HEMK1: variants seen among roughly 807,000 people sequenced by gnomAD.
HEMK1 encodes MTRF1L release factor glutamine methyltransferase.
HEMK1 carries 36 observed loss-of-function variants against 47.9 expected under a neutral mutation model. The ratio of observed to expected loss-of-function variants is 0.75; its 90% confidence interval spans 0.58 to 0.99. The LOEUF (loss-of-function observed/expected upper bound fraction) is 0.99. Among genes scored for constraint, HEMK1 ranks in the 50% least tolerant of loss-of-function variants. HEMK1 has a pLI of 0.00. For synonymous variants in HEMK1, 153 were observed against 165.4 expected (o/e 0.93, Z 0.57); for missense variants, 383 against 434.5 (o/e 0.88, Z 1.05).
intron 2 of HEMK1, 171 bp downstream of exon 2, chr3:50,571,503 A>G (rs1158343913): frequency 1.5e-6 from 1 of 673,052 alleles, no homozygotes; most frequent in Non-Finnish European, 2.6e-6. Context: ...ATGAATGAAT[A>G]TATCTCTGCC....
At chr3:50,574,089 G>T (rs1427461012) in intron 4 of HEMK1, among the ~76,000 whole-genome samples, 1 of 152,216 alleles carries the variant, frequency 6.6e-6, no homozygotes, top group African/African-American at 2.4e-5. Flanking sequence ...TCTTGATGGG[G>T]TATGGAGTCC....
chr3:50,586,144 T>A lies in HEMK1; in HGVS notation c.*5727T>A, dbSNP rs3749265. The A allele has an allele frequency of 0.055, 8,432 of 152,280 alleles. 843 individuals are homozygous for A. The highest frequency in any genetic ancestry group is 0.33 in the East Asian group (1,719 of 5,168). The allele number at this position is 152,280 out of a possible 1,614,324, so 9.4% of individuals were successfully genotyped here. ...GTGGGTGCCTTCCCCTCTGAGGTAA[T>A]TGGCTGTACAGCCCCCAGCCTCTGC... On this transcript the variant is annotated 3_prime_UTR_variant, in exon 11 of 11. Transcript: ENST00000232854.
At chr3:50,574,471 T>C (rs1380364107) in intron 4 of HEMK1, among the ~76,000 whole-genome samples, 2 of 152,212 alleles carry the variant, frequency 1.3e-5, no homozygotes, top group Non-Finnish European at 2.9e-5. Context: ...GCCATCCACA[T>C]ACGTGGTGTG....
At chr3:50,578,045 G>C (rs1224808527) in intron 7 of HEMK1, among the ~76,000 whole-genome samples, 170 bp downstream of exon 7, 1 of 152,124 alleles carries the variant, frequency 6.6e-6, no homozygotes, top group African/African-American at 2.4e-5. Context: ...CTCAAACGAA[G>C]CCTTGGCTGA....
rs1348461785 is a variant in HEMK1, at chr3:50,582,534, A to G, written c.*2117A>G. The G allele has an allele frequency of 6.6e-6, 1 of 152,224 alleles. No homozygotes were observed. The highest frequency in any genetic ancestry group is 2.4e-5 in the African/African-American group (1 of 41,458). The allele number at this position is 152,224 out of a possible 1,614,324, so 9.4% of individuals were successfully genotyped here. A position where few individuals can be genotyped will look rare whatever the true frequency, so the allele number is the denominator to read the frequency against. On this transcript the variant is annotated 3_prime_UTR_variant, in exon 11 of 11. Transcript: ENST00000232854. ...CTCAGCCTTGGCTTCTAAGGCTGAG[A>G]AATGGGACTTAATGCTTTATTTTAT...
rs1266196863 is a variant in HEMK1 at position 50,589,530 on chromosome 3, T to G, written c.*9113T>G. On this transcript the variant is annotated 3_prime_UTR_variant, in exon 11 of 11. Coordinates refer to ENST00000232854, the MANE Select transcript of HEMK1 (RefSeq NM_016173.5). ...AGGAGGATTACTTGAGCACAAGAGT[T>G]TAAGACAGCAGTGAGCTATAATAGC... 3.3e-5 allele frequency: 5 copies of G among 151,702 alleles called. No homozygotes were observed. The highest frequency in any genetic ancestry group is 1.2e-4 in the African/African-American group (5 of 41,226). The allele number at this position is 151,702 out of a possible 1,614,324, so 9.4% of individuals were successfully genotyped here. A position where few individuals can be genotyped will look rare whatever the true frequency, so the allele number is the denominator to read the frequency against.
Position 50,590,918 on chromosome 3 carries a change from T to A in HEMK1, c.*10501T>A, listed in dbSNP as rs1166707521. 1 of 152,150 alleles carries A rather than the reference T, an allele frequency of 6.6e-6. No homozygotes were observed. Among genetic ancestry groups the A allele is most frequent in the Non-Finnish European group, 1.5e-5 (1 of 68,032 alleles). 9.4% of individuals were successfully genotyped at this position (152,150 alleles called of 1,614,324 possible). A position where few individuals can be genotyped will look rare whatever the true frequency, so the allele number is the denominator to read the frequency against. ...AGAGTTTCACTGTTTCTGGGTACCT[T>A]CATTTCTGGGAACTAACTGTGCTTT... On this transcript the variant is annotated 3_prime_UTR_variant, in exon 11 of 11. Coordinates refer to ENST00000232854, the MANE Select transcript of HEMK1 (RefSeq NM_016173.5).
chr3:50,577,182 C>T lies in HEMK1; in HGVS notation c.545C>T (p.Pro182Leu). 6.2e-7 allele frequency: 1 copy of T among 1,608,518 alleles called. No individual in the cohort carries two copies. Among genetic ancestry groups the T allele is most frequent in the East Asian group, 2.2e-5 (1 of 44,826 alleles). ...AISLSLLSQLPQSRVIAVDKR... is the reference protein window; with the variant it reads ...AISLSLLSQLLQSRVIAVDKR... ...TCCCTCAGCCTGCTGAGCCAGCTCC[C>T]CCAGGTGAGCCCCTCCACCCACTCT... is the stretch of plus-strand genomic sequence containing the variant. Residue 182 changes from proline (P) to leucine (L), a missense_variant, in exon 5 of 11, where the codon CCC becomes CTC. Pro to Leu is a moderately conservative substitution (Grantham distance 98). Coordinates refer to ENST00000232854, the MANE Select transcript of HEMK1 (RefSeq NM_016173.5).
Position 50,584,656 on chromosome 3 carries a change from A to G in HEMK1, c.*4239A>G, listed in dbSNP as rs1197368428. 1 of 152,246 alleles carries G rather than the reference A, an allele frequency of 6.6e-6. No individual in the cohort carries two copies. Among genetic ancestry groups the G allele is most frequent in the Non-Finnish European group, 1.5e-5 (1 of 68,048 alleles). The allele number at this position is 152,246 out of a possible 1,614,324, so 9.4% of individuals were successfully genotyped here. ...TCCTCTGGGGCCTCAAGAAGAATGCAGTCCTGCCAATACCTTGATTTTAAG... is the reference window on the plus strand; with the variant it reads ...TCCTCTGGGGCCTCAAGAAGAATGCGGTCCTGCCAATACCTTGATTTTAAG... On this transcript the variant is annotated 3_prime_UTR_variant, in exon 11 of 11. Coordinates refer to ENST00000232854, the MANE Select transcript of HEMK1 (RefSeq NM_016173.5).
At chr3:50,573,781 G>A (rs528392035) in intron 4 of HEMK1, among the ~76,000 whole-genome samples, 1 of 152,364 alleles carries the variant, frequency 6.6e-6, no homozygotes, top group East Asian at 1.9e-4. Context: ...TGAAAGGGGA[G>A]TCTGAAGTGC....
At chr3:50,578,248 G>T (rs1222427675) in intron 7 of HEMK1, among the ~76,000 whole-genome samples, 1 of 152,210 alleles carries the variant, frequency 6.6e-6, no homozygotes, top group Non-Finnish European at 1.5e-5. Context: ...AGGGGAAGTG[G>T]TCCAGGCACT....
intron 5 of HEMK1, 86 bp from the exon 6 acceptor site, chr3:50,577,423 G>T: frequency 7.6e-7 from 1 of 1,317,096 alleles, no homozygotes; most frequent in Non-Finnish European, 1.1e-6. Flanking sequence ...TCTGGTGGGG[G>T]GTTGGAGGAG....
intron 8 of HEMK1, 30 bp downstream of exon 8, chr3:50,578,956 G>A: frequency 6.7e-7 from 1 of 1,486,892 alleles, no homozygotes; most frequent in East Asian, 2.3e-5. Flanking sequence ...AGGGAGGCCA[G>A]GCCTGAAAAG....
chr3:50,571,600 A>G, intron 2 of HEMK1, 110 bp from the exon 3 acceptor site: 1 of 1,016,114 alleles, frequency 9.8e-7, no homozygotes, highest in Non-Finnish European at 1.6e-6. Flanking sequence ...CCAGATGATG[A>G]GAGGGTTGGG....
chr3:50,579,217 C>T (rs1032508109), intron 8 of HEMK1, among the ~76,000 whole-genome samples: 2 of 152,184 alleles, frequency 1.3e-5, no homozygotes, highest in South Asian at 2.1e-4. Context: ...GACTCAGTGA[C>T]GACTTGAAAG....
Position 50,584,687 on chromosome 3 carries a change from T to G in HEMK1, c.*4270T>G, listed in dbSNP as rs1270815360. The G allele has an allele frequency of 1.3e-5, 2 of 152,222 alleles. No homozygotes were observed. The highest frequency in any genetic ancestry group is 4.8e-5 in the African/African-American group (2 of 41,464). The allele number at this position is 152,222 out of a possible 1,614,324, so 9.4% of individuals were successfully genotyped here. On this transcript the variant is annotated 3_prime_UTR_variant, in exon 11 of 11. Transcript: ENST00000232854. ...GCCAATACCTTGATTTTAAGCCCTGTGAAACTGATTTCAGATTGCTGACCT... is the reference window on the plus strand; with the variant it reads ...GCCAATACCTTGATTTTAAGCCCTGGGAAACTGATTTCAGATTGCTGACCT...
At chr3:50,577,013 G>A (rs779392917) in intron 4 of HEMK1, 39 bp from the exon 5 acceptor site, 17 of 1,611,650 alleles carry the variant, frequency 1.1e-5, no homozygotes, top group Admixed American at 8.4e-5. Flanking sequence ...CAGGAGCCAC[G>A]TTGGCACCGA....
chr3:50,579,566 A>G (rs2030433890), intron 8 of HEMK1, among the ~76,000 whole-genome samples: 1 of 152,100 alleles, frequency 6.6e-6, no homozygotes, highest in South Asian at 2.1e-4. Flanking sequence ...GTGGGGAGAC[A>G]CTCATGCCCT....
intron 1 of HEMK1, 171 bp downstream of exon 1, chr3:50,569,745 C>A (rs939879995): frequency 3.9e-5 from 6 of 152,348 alleles, no homozygotes; most frequent in Admixed American, 2.6e-4. Flanking sequence ...ACACTTCTGA[C>A]TTCGGGCCTT....
Sources: gnomAD v4.1 joint callset for allele counts (sites outside exome capture counted in the v4.1 genomes callset) on GRCh38, gnomAD v4.1.1 for gene constraint, MANE v1.5 for transcripts, NCBI Gene and HGNC (gene_info 2026-07-23, HGNC 2026-07-21) for gene names.